The following ADGRG7 variants were observed in gnomAD, a reference collection of about 807,000 sequenced individuals.
ADGRG7 encodes the protein adhesion G protein-coupled receptor G7.
Under a neutral mutation model 88.6 loss-of-function variants are expected in ADGRG7, and 82 were observed. The ratio of observed to expected loss-of-function variants is 0.93; its 90% CI spans 0.77 to 1.11. The LOEUF is 1.11. Ranked by LOEUF, ADGRG7 falls within the 50% of genes most tolerant of loss-of-function variation. The probability of loss-of-function intolerance (pLI) is 0.00; values close to 1 mark genes in which losing one functional copy is unlikely to be tolerated. For missense variants in ADGRG7, 945 were observed against 953.4 expected, an observed-to-expected ratio of 0.99 and a Z score of 0.12; for synonymous variants, 381 against 345.2, an observed-to-expected ratio of 1.10 and a Z score of -1.15.
chr3:100,681,151 C>G (rs567098465), intron 15 of ADGRG7, among the ~76,000 whole-genome samples: 1 of 151,096 alleles, frequency 6.6e-6, no homozygotes, highest in African/African-American at 2.4e-5. Flanking sequence ...TATAAAAGTA[C>G]TAATGAAGAT....
chr3:100,649,839 G>A lies in ADGRG7; in HGVS notation c.1379+32G>A, dbSNP rs760735329. ...GCAGAAGCAGGCTCTTTTCAGAAGA[G>A]AAATTGCTATCTTGATATAATTTAC... On this transcript the variant is annotated intron_variant, in intron 11 of 15. Transcript: ENST00000273352. The A allele has an allele frequency of 8.7e-6, 11 of 1,267,036 alleles. No homozygotes were observed. In the East Asian group the frequency reaches 2.6e-4, roughly 29 times the overall value. The allele number at this position is 1,267,036 out of a possible 1,614,324, so 78.5% of individuals were successfully genotyped here. A position where few individuals can be genotyped will look rare whatever the true frequency, so the allele number is the denominator to read the frequency against.
rs1185672766 is a variant in ADGRG7, at chr3:100,655,975, A to C, written c.1803A>C (p.Leu601Phe). The C allele has an allele frequency of 6.2e-7, 1 of 1,605,422 alleles. No homozygotes were observed. Among genetic ancestry groups the C allele is most frequent in the East Asian group, 2.2e-5 (1 of 44,770 alleles). Residue 601 changes from leucine to phenylalanine, a missense_variant, in exon 13 of 16, where the codon TTA becomes TTC. Coordinates refer to ENST00000273352, the MANE Select transcript of ADGRG7 (RefSeq NM_032787.3). Reference sequence around the variant, plus strand: ...ATGGAAATAATCCACAGTGGGAATTAGACTACCGGCAAGAGAAAATGTGAG... The same window carrying C: ...ATGGAAATAATCCACAGTGGGAATTCGACTACCGGCAAGAGAAAATGTGAG... ...SQNGNNPQWE[L>F]DYRQEKICWL...
chr3:100,665,615 T>C (rs2094950789), intron 14 of ADGRG7: 1 of 353,802 alleles, frequency 2.8e-6, no homozygotes, highest in Non-Finnish European at 5.5e-6. Context: ...TAAGAAGAAA[T>C]ATGGTTAAAA....
chr3:100,638,593 A>G (rs969836053), intron 6 of ADGRG7, among the ~76,000 whole-genome samples: 16 of 152,192 alleles, frequency 1.1e-4, no homozygotes, highest in African/African-American at 3.9e-4. Context: ...GAGTGGGTAA[A>G]CAGGGATTGA....
chr3:100,624,675 C>T (rs1707359610), intron 1 of ADGRG7, among the ~76,000 whole-genome samples: 1 of 152,126 alleles, frequency 6.6e-6, no homozygotes, highest in African/African-American at 2.4e-5. Context: ...TTGAGTTTTA[C>T]ATTAAAGTCT....
chr3:100,668,186 C>T (rs1350611358), intron 14 of ADGRG7, among the ~76,000 whole-genome samples: 4 of 152,184 alleles, frequency 2.6e-5, no homozygotes, highest in Non-Finnish European at 5.9e-5. Context: ...CTGCCTTCTG[C>T]GTCAATCTTG....
rs764322493 is a variant in ADGRG7 at position 100,694,968 on chromosome 3, C to T, written c.2361C>T (p.Leu787=). ...ETSPSTEEIT[L]SESDNAKESI ...CTCCGAGTACTGAGGAAATCACACT[C>T]TCTGAAAGTGACAATGCAAAGGAAA... Residue 787 remains leucine, a synonymous_variant, in exon 16 of 16, where the codon CTC becomes CTT. Coordinates refer to ENST00000273352, the MANE Select transcript of ADGRG7 (RefSeq NM_032787.3). The T allele has an allele frequency of 6.2e-7, 1 of 1,614,196 alleles. No individual in the cohort carries two copies. The highest frequency in any genetic ancestry group is 8.5e-7 in the Non-Finnish European group (1 of 1,180,020).
chr3:100,610,209 TA>T (rs1405640025), intron 1 of ADGRG7, among the ~76,000 whole-genome samples: 3 of 152,196 alleles, frequency 2.0e-5, no homozygotes, highest in South Asian at 2.1e-4. Context: ...TTGGCCTCTT[TA>T]TGCTCTTTTA....
chr3:100,656,164 A>G (rs1321283623), intron 13 of ADGRG7, among the ~76,000 whole-genome samples, 169 bp downstream of exon 13: 1 of 152,218 alleles, frequency 6.6e-6, no homozygotes, highest in Non-Finnish European at 1.5e-5. Flanking sequence ...ATGTGATGAC[A>G]TGGAAATTTC....
chr3:100,637,250 T>G, intron 5 of ADGRG7, 52 bp from the exon 6 acceptor site: 1 of 1,133,142 alleles, frequency 8.8e-7, no homozygotes, highest in Non-Finnish European at 1.3e-6. Context: ...ATGATGGTGA[T>G]GATAATGTAT....
At chr3:100,687,989 T>C (rs1185084578) in intron 15 of ADGRG7, among the ~76,000 whole-genome samples, 1 of 152,152 alleles carries the variant, frequency 6.6e-6, no homozygotes, top group Non-Finnish European at 1.5e-5. Context: ...AGAATTCGGC[T>C]GTGAATCCAT....
chr3:100,694,828 A>G lies in ADGRG7; in HGVS notation c.2221A>G (p.Ile741Val), dbSNP rs1303117249. 6 of 1,614,050 alleles carry G rather than the reference A, an allele frequency of 3.7e-6. No individual in the cohort carries two copies. Among genetic ancestry groups the G allele is most frequent in the Non-Finnish European group, 5.1e-6 (6 of 1,180,018 alleles). ...CAAAGTGTTGATGTTGCTATCGTCT[A>G]TTGGGAGAAGGAAGTCATTGCCTTC... ...ASKVLMLLSS[I>V]GRRKSLPSVT... The change falls in exon 16 of 16, where the codon ATT (isoleucine) becomes GTT (valine). Residue 741 changes from isoleucine to valine, a missense_variant. Coordinates refer to ENST00000273352, the MANE Select transcript of ADGRG7 (RefSeq NM_032787.3).
chr3:100,639,469 A>G (rs1707603053), intron 6 of ADGRG7, among the ~76,000 whole-genome samples: 1 of 152,238 alleles, frequency 6.6e-6, no homozygotes, highest in Non-Finnish European at 1.5e-5. Flanking sequence ...GTAGAGGTTG[A>G]GTGAACAGTT....
chr3:100,659,555 T>C (rs2094942367), intron 13 of ADGRG7, 133 bp from the exon 14 acceptor site: 2 of 664,282 alleles, frequency 3.0e-6, no homozygotes, highest in Non-Finnish European at 4.9e-6. Context: ...TCATCTCAAA[T>C]GTGTAAAATG....
chr3:100,643,331 T>C lies in ADGRG7; in HGVS notation c.764T>C (p.Ile255Thr), dbSNP rs760784655. ...AATCAATCAGTGGTGGAACCTAACA[T>C]AGCAATACAGTCAGCAAATTTCTCT... ...LGNQSVVEPN[I>T]AIQSANFSSE... Residue 255 changes from isoleucine to threonine, a missense_variant, in exon 7 of 16, where the codon ATA becomes ACA. Physicochemically the swap from Ile to Thr is moderately conservative, Grantham distance 89. Coordinates refer to ENST00000273352, the MANE Select transcript of ADGRG7 (RefSeq NM_032787.3). 8.1e-6 allele frequency: 13 copies of C among 1,613,968 alleles called. No homozygotes were observed. Among genetic ancestry groups the C allele is most frequent in the South Asian group, 3.3e-5 (3 of 91,086 alleles).
chr3:100,673,334 A>G lies in ADGRG7; in HGVS notation c.2136+4229A>G, dbSNP rs966848373. 3.3e-5 allele frequency among the ~76,000 whole-genome samples: 5 copies of G among 151,600 alleles called. No individual in the cohort carries two copies. The East Asian group carries it at 9.7e-4, about 29-fold the overall frequency. On this transcript the variant is annotated intron_variant, in intron 15 of 15. Coordinates refer to ENST00000273352, the MANE Select transcript of ADGRG7 (RefSeq NM_032787.3). ...CCAGGAATTTATCCATTTCTTCTCA[A>G]TTTTCTAGTTTATTTGCATAGAGGT... is the stretch of plus-strand genomic sequence containing the variant.
chr3:100,662,456 T>C (rs886623542), intron 14 of ADGRG7, among the ~76,000 whole-genome samples: 2 of 152,136 alleles, frequency 1.3e-5, no homozygotes, highest in African/African-American at 4.8e-5. Context: ...ACAAAAGCAG[T>C]CAACCAACTT....
At chr3:100,632,138 G>A (rs901956954) in intron 3 of ADGRG7, among the ~76,000 whole-genome samples, 1 of 152,060 alleles carries the variant, frequency 6.6e-6, no homozygotes, top group Admixed American at 6.6e-5. Context: ...AAACATAACT[G>A]TGCTACTGAA....
intron 14 of ADGRG7, chr3:100,665,607 A>G (rs1348480752): frequency 8.5e-6 from 3 of 354,504 alleles, no homozygotes; most frequent in Non-Finnish European, 1.6e-5. Context: ...GTTCATATTA[A>G]GAAGAAATAT....
Sources: allele counts gnomAD v4.1 joint callset (sites outside exome capture counted in the v4.1 genomes callset), GRCh38; gene constraint gnomAD v4.1.1; transcripts MANE v1.5; gene names NCBI Gene and HGNC (gene_info 2026-07-23, HGNC 2026-07-21).